NRXN3: variants seen among roughly 807,000 people sequenced by gnomAD.
NRXN3 encodes neurexin 3.
A neutral mutation model predicts 137.6 loss-of-function variants in NRXN3; 32 were observed. The ratio of observed to expected loss-of-function variants is 0.23; its 90% CI spans 0.18 to 0.31. The LOEUF is 0.31. Among genes scored for constraint, NRXN3 ranks in the 10% least tolerant of loss-of-function variants. The pLI is 1.00. For synonymous variants in NRXN3, 798 were observed against 784.5 expected, an observed-to-expected ratio of 1.02 and a Z score of -0.29; for missense variants, 1,574 against 2,062.5, an observed-to-expected ratio of 0.76 and a Z score of 4.59.
chr14:79,777,824 A>G (rs927198473), intron 19 of NRXN3, among the ~76,000 whole-genome samples: 1 of 151,904 alleles, frequency 6.6e-6, no homozygotes, highest in Admixed American at 6.6e-5. Context: ...AATATAAAAA[A>G]AAATTTAACA....
At chr14:79,472,007 CCAA>C (rs2096515970) in intron 16 of NRXN3, among the ~76,000 whole-genome samples, 1 of 152,068 alleles carries the variant, frequency 6.6e-6, no homozygotes, top group African/African-American at 2.4e-5. Context: ...CTCCACCCTC[CCAA>C]AGGCCCAGTG....
intron 16 of NRXN3, among the ~76,000 whole-genome samples, chr14:79,609,512 T>A (rs1234151102): frequency 1.3e-5 from 2 of 152,250 alleles, no homozygotes; most frequent in East Asian, 1.9e-4. Context: ...TTCTGCCACA[T>A]GCAACTAGGA....
At chr14:79,004,145 G>T (rs996569699) in intron 15 of NRXN3, among the ~76,000 whole-genome samples, 1 of 152,212 alleles carries the variant, frequency 6.6e-6, no homozygotes, top group Non-Finnish European at 1.5e-5. Context: ...ATTGCCAAGG[G>T]TCCTCACACA....
chr14:78,846,669 T>C (rs1311701766), intron 10 of NRXN3, among the ~76,000 whole-genome samples: 3 of 152,058 alleles, frequency 2.0e-5, no homozygotes, highest in African/African-American at 7.2e-5. Context: ...ATCTCTGAGG[T>C]GATCTCAGAT....
intron 17 of NRXN3, among the ~76,000 whole-genome samples, chr14:79,676,296 A>G (rs1195610244): frequency 6.6e-6 from 1 of 151,844 alleles, no homozygotes; most frequent in Non-Finnish European, 1.5e-5. Context: ...ATAGATGTGC[A>G]TATGCCTAAA....
At chr14:79,656,813 C>T (rs1230911810) in intron 16 of NRXN3, among the ~76,000 whole-genome samples, 1 of 152,078 alleles carries the variant, frequency 6.6e-6, no homozygotes, top group East Asian at 1.9e-4. Flanking sequence ...ATGTAACTTT[C>T]CTGGTTGGGT....
At chr14:79,537,299 T>A (rs918768083) in intron 16 of NRXN3, among the ~76,000 whole-genome samples, 2 of 152,052 alleles carry the variant, frequency 1.3e-5, no homozygotes, top group Non-Finnish European at 2.9e-5. Context: ...CCCACTTTTT[T>A]TTTTATTATA....
intron 16 of NRXN3, among the ~76,000 whole-genome samples, chr14:79,565,074 A>G (rs1460912688): frequency 1.3e-5 from 2 of 152,014 alleles, no homozygotes; most frequent in Non-Finnish European, 1.5e-5. Context: ...TAAACCAAGC[A>G]GCATCAGCTG....
rs140246611 is a variant in NRXN3, at chr14:79,335,837, C to T, written c.3263-131384C>T. On this transcript the variant is annotated intron_variant, in intron 15 of 20. Transcript: ENST00000335750. ...CCCCCTTCTATTCTGCCTACATTCACGACTTTCATCCCTCAACTCTGGTCC... is the reference window on the plus strand; with the variant it reads ...CCCCCTTCTATTCTGCCTACATTCATGACTTTCATCCCTCAACTCTGGTCC... Among the ~76,000 whole-genome samples the T allele has an allele frequency of 1.0e-3, 157 of 152,188 alleles. 1 individual carries two copies. Among genetic ancestry groups the T allele is most frequent in the Non-Finnish European group, 2.1e-3 (144 of 68,002 alleles).
In NRXN3 at chr14:79,864,998, G is replaced by T. The variant is rs1015899016; in HGVS notation, c.*3034G>T. ...GATCTCCTGACCTCGTAATCCACCC[G>T]CCTCGGCCTCCCAAAGTGCTGGGAT... On this transcript the variant is annotated 3_prime_UTR_variant, in exon 21 of 21. Coordinates refer to ENST00000335750, the MANE Select transcript of NRXN3 (RefSeq NM_001330195.2). 4.6e-5 allele frequency: 7 copies of T among 152,088 alleles called. No individual in the cohort carries two copies. Among genetic ancestry groups the T allele is most frequent in the African/African-American group, 1.2e-4 (5 of 41,424 alleles). The allele number at this position is 152,088 out of a possible 1,614,324, so 9.4% of individuals were successfully genotyped here. A position where few individuals can be genotyped will look rare whatever the true frequency, so the allele number is the denominator to read the frequency against.
At chr14:78,400,092 C>T (rs559590913) in intron 4 of NRXN3, among the ~76,000 whole-genome samples, 2 of 152,246 alleles carry the variant, frequency 1.3e-5, no homozygotes, top group East Asian at 3.9e-4. Flanking sequence ...AACTGTAAAA[C>T]ATTTTACTTC....
chr14:79,374,006 T>C (rs2094188594), intron 15 of NRXN3, among the ~76,000 whole-genome samples: 1 of 152,196 alleles, frequency 6.6e-6, no homozygotes, highest in African/African-American at 2.4e-5. Context: ...TGATCTATTA[T>C]TTTATCTATT....
chr14:79,508,681 C>T (rs61995180), intron 16 of NRXN3, among the ~76,000 whole-genome samples: 2 of 151,520 alleles, frequency 1.3e-5, no homozygotes, highest in South Asian at 2.1e-4. Context: ...TGTGAGCCAC[C>T]GCGCCTGGCC....
In NRXN3 at chr14:79,467,315, C is replaced by G; in HGVS notation, c.3357C>G (p.Ala1119=). The G allele has an allele frequency of 1.9e-6, 3 of 1,613,792 alleles. No individual in the cohort carries two copies. Among genetic ancestry groups the G allele is most frequent in the East Asian group, 4.5e-5 (2 of 44,868 alleles). ...DRPSTRSDRL[A]VGFSTTVKDG... ...CCAGCACGCGGTCTGACCGCCTTGC[C>G]GTGGGCTTCAGCACCACTGTGAAGG... The change falls in exon 16 of 21, where the codon GCC becomes GCG. Residue 1119 remains alanine, a synonymous_variant. Transcript: ENST00000335750.
chr14:79,158,579 A>G (rs890596822), intron 15 of NRXN3, among the ~76,000 whole-genome samples: 1 of 151,906 alleles, frequency 6.6e-6, no homozygotes, highest in East Asian at 1.9e-4. Context: ...ATATTGAGGT[A>G]TGTGGATTTA....
chr14:78,278,760 T>C, intron 3 of NRXN3, 98 bp downstream of exon 3: 1 of 944,588 alleles, frequency 1.1e-6, no homozygotes. Flanking sequence ...GACAAAATTC[T>C]AAGTGTATTG....
intron 15 of NRXN3, among the ~76,000 whole-genome samples, chr14:79,292,077 A>T (rs139578418): frequency 2.0e-3 from 308 of 152,332 alleles, no homozygotes; most frequent in Non-Finnish European, 3.4e-3. Context: ...CTTACTAAGC[A>T]GTTAGCCTAT....
intron 4 of NRXN3, among the ~76,000 whole-genome samples, chr14:78,345,643 C>G (rs80355114): frequency 0.02 from 3,118 of 152,156 alleles, 57 homozygotes; most frequent in Non-Finnish European, 0.03. Flanking sequence ...ACTTCTCAGT[C>G]TCGATGGATA....
At chr14:78,189,233 A>T (rs1031169084) in intron 1 of NRXN3, among the ~76,000 whole-genome samples, 2 of 152,140 alleles carry the variant, frequency 1.3e-5, no homozygotes, top group African/African-American at 4.8e-5. Flanking sequence ...CCACTTGCCT[A>T]GATGTCTGCA....
Sources: gnomAD v4.1 joint callset for allele counts (sites outside exome capture counted in the v4.1 genomes callset) on GRCh38, gnomAD v4.1.1 for gene constraint, MANE v1.5 for transcripts, NCBI Gene and HGNC (gene_info 2026-07-23, HGNC 2026-07-21) for gene names.